PLEKHM3: variants seen among roughly 807,000 people sequenced by gnomAD.
PLEKHM3 encodes pleckstrin homology domain containing M3, also known as pleckstrin homology domain-containing family M member 3.
PLEKHM3 carries 45 observed loss-of-function variants against 81.8 expected under a neutral mutation model. The ratio of observed to expected loss-of-function variants is 0.55; its 90% confidence interval spans 0.43 to 0.71. The LOEUF is 0.71. PLEKHM3 is among the 30% of genes least tolerant of loss of function. The probability of loss-of-function intolerance (pLI) is 0.00; values close to 1 mark genes in which losing one functional copy is unlikely to be tolerated. For synonymous variants in PLEKHM3, 352 were observed against 356.4 expected, an observed-to-expected ratio of 0.99 and a Z score of 0.14; for missense variants, 788 against 924.3, an observed-to-expected ratio of 0.85 and a Z score of 1.91.
chr2:207,946,924 A>G (rs560578785), intron 3 of PLEKHM3, among the ~76,000 whole-genome samples: 2 of 152,330 alleles, frequency 1.3e-5, no homozygotes, highest in East Asian at 3.9e-4. Flanking sequence ...TGAGGAAGAT[A>G]TTATTAATTC....
intron 6 of PLEKHM3, among the ~76,000 whole-genome samples, chr2:207,881,402 C>T (rs12467643): frequency 0.33 from 50,505 of 151,964 alleles, 9,312 homozygotes; most frequent in African/African-American, 0.49. Context: ...AGCTAGCCTC[C>T]GCAAGGTATT....
intron 7 of PLEKHM3, among the ~76,000 whole-genome samples, chr2:207,848,241 C>T (rs1356508673): frequency 6.6e-6 from 1 of 152,162 alleles, no homozygotes; most frequent in Non-Finnish European, 1.5e-5. Context: ...ACCCCTTCCC[C>T]ACCAAAAAAT....
At chr2:207,873,228 G>A (rs2092544040) in intron 6 of PLEKHM3, among the ~76,000 whole-genome samples, 1 of 152,118 alleles carries the variant, frequency 6.6e-6, no homozygotes, top group Admixed American at 6.5e-5. Context: ...TATAAAGAGG[G>A]AAGAAAGTTT....
At chr2:207,832,400 G>A (rs377547004) in intron 7 of PLEKHM3, among the ~76,000 whole-genome samples, 35 of 152,148 alleles carry the variant, frequency 2.3e-4, no homozygotes, top group East Asian at 1.2e-3. Flanking sequence ...ATGGAGCCCT[G>A]TAATAAAAAT....
chr2:208,005,644 C>T (rs1000092486), intron 1 of PLEKHM3, among the ~76,000 whole-genome samples: 3 of 152,154 alleles, frequency 2.0e-5, no homozygotes, highest in African/African-American at 7.2e-5. Flanking sequence ...GCTTGAGGTA[C>T]CCTTTTTCCT....
At chr2:207,918,543 A>AC (rs568043053) in intron 5 of PLEKHM3, among the ~76,000 whole-genome samples, 2 of 146,466 alleles carry the variant, frequency 1.4e-5, no homozygotes, top group African/African-American at 5.5e-5. Context: ...AAACAAACAA[A>AC]AAACAAACAA....
At chr2:207,910,237 G>A (rs139501382) in intron 5 of PLEKHM3, among the ~76,000 whole-genome samples, 145 of 152,324 alleles carry the variant, frequency 9.5e-4, no homozygotes, top group African/African-American at 3.2e-3. Context: ...CATAGGAAAA[G>A]TACTCAATTC....
intron 1 of PLEKHM3, among the ~76,000 whole-genome samples, chr2:208,024,155 A>ACTG (rs1559289133): frequency 6.7e-6 from 1 of 148,178 alleles, no homozygotes; most frequent in African/African-American, 2.6e-5. Flanking sequence ...AATAAAATAA[A>ACTG]ATAAAATAAA....
At chr2:207,984,264 A>G (rs1691639098) in intron 2 of PLEKHM3, among the ~76,000 whole-genome samples, 1 of 152,224 alleles carries the variant, frequency 6.6e-6, no homozygotes, top group Non-Finnish European at 1.5e-5. Context: ...TAAATACTTC[A>G]GGGTATATTT....
intron 1 of PLEKHM3, among the ~76,000 whole-genome samples, chr2:208,014,992 T>A (rs889489224): frequency 6.6e-6 from 1 of 152,228 alleles, no homozygotes; most frequent in Non-Finnish European, 1.5e-5. Context: ...TTTGATAAAA[T>A]GTTTAAAAAC....
At chr2:207,841,677 CTT>C (rs1010072097) in intron 7 of PLEKHM3, among the ~76,000 whole-genome samples, 2 of 151,088 alleles carry the variant, frequency 1.3e-5, no homozygotes, top group African/African-American at 2.4e-5. Context: ...TGGAATAATA[CTT>C]TTTTTGTTCC....
intron 1 of PLEKHM3, among the ~76,000 whole-genome samples, chr2:208,016,668 A>AACACACACACACACACACAC (rs1553568085): frequency 1.6e-5 from 1 of 61,554 alleles, no homozygotes; most frequent in Non-Finnish European, 3.9e-5. Flanking sequence ...AAAAAAAAAA[A>AACACACACACACACACACAC]ATACACACAC....
At chr2:208,004,570 G>A (rs1173360143) in intron 1 of PLEKHM3, among the ~76,000 whole-genome samples, 1 of 152,164 alleles carries the variant, frequency 6.6e-6, no homozygotes, top group South Asian at 2.1e-4. Flanking sequence ...AGAAGCCACT[G>A]AGGCCCAAAG....
At chr2:207,989,037 A>G (rs984374094) in intron 2 of PLEKHM3, among the ~76,000 whole-genome samples, 3 of 152,172 alleles carry the variant, frequency 2.0e-5, no homozygotes, top group Non-Finnish European at 2.9e-5. Flanking sequence ...GAGCCCCTCA[A>G]TCGTTCTCCA....
At chr2:207,936,711 A>C (rs141325043) in intron 4 of PLEKHM3, among the ~76,000 whole-genome samples, 12 of 152,284 alleles carry the variant, frequency 7.9e-5, no homozygotes, top group African/African-American at 2.9e-4. Flanking sequence ...AGTTATCTAC[A>C]GATAGTTTTG....
chr2:207,869,902 A>G (rs1198993494), intron 6 of PLEKHM3: 1 of 152,210 alleles, frequency 6.6e-6, no homozygotes, highest in Non-Finnish European at 1.5e-5. Context: ...TCTGGTCAAG[A>G]TGGTCAGCAT....
At chr2:207,888,122 C>T (rs936702623) in intron 6 of PLEKHM3, among the ~76,000 whole-genome samples, 1 of 152,086 alleles carries the variant, frequency 6.6e-6, no homozygotes, top group Non-Finnish European at 1.5e-5. Context: ...CTTCCTTCCT[C>T]CAGCATCTCA....
chr2:207,953,717 C>T (rs1378751994), intron 3 of PLEKHM3, among the ~76,000 whole-genome samples: 2 of 151,580 alleles, frequency 1.3e-5, no homozygotes, highest in African/African-American at 4.8e-5. Flanking sequence ...GTAATCCCTG[C>T]TTTTCCTGGG....
intron 3 of PLEKHM3, among the ~76,000 whole-genome samples, chr2:207,956,717 AATTTTTTTTT>A (rs1270960159): frequency 2.6e-5 from 2 of 77,686 alleles, no homozygotes; most frequent in African/African-American, 1.0e-4. Flanking sequence ...GGCTGATTAA[AATTTTTTTTT>A]TTTTTTTTTT....
Sources: allele counts gnomAD v4.1 joint callset (sites outside exome capture counted in the v4.1 genomes callset), GRCh38; gene constraint gnomAD v4.1.1; transcripts MANE v1.5; gene names NCBI Gene and HGNC (gene_info 2026-07-23, HGNC 2026-07-21).